SLC39A11: variants seen among roughly 807,000 people sequenced by gnomAD.
SLC39A11 encodes zinc transporter ZIP11.
Under a neutral mutation model 36.1 loss-of-function variants are expected in SLC39A11, and 33 were observed. The observed-to-expected ratio is 0.91, with a 90% CI of 0.69 to 1.22. The LOEUF (loss-of-function observed/expected upper bound fraction) is 1.22. Ranked by LOEUF, SLC39A11 falls within the 50% of genes most tolerant of loss-of-function variation. SLC39A11 has a pLI of 0.00. For missense variants in SLC39A11, 432 were observed against 430.3 expected, an observed-to-expected ratio of 1.00 and a Z score of -0.03; for synonymous variants, 166 against 170.3, an observed-to-expected ratio of 0.97 and a Z score of 0.20.
chr17:72,797,634 A>C (rs1349290389), intron 6 of SLC39A11, among the ~76,000 whole-genome samples: 1 of 152,126 alleles, frequency 6.6e-6, no homozygotes, highest in African/African-American at 2.4e-5. Flanking sequence ...CAGGCACTTG[A>C]CATGCACTAC....
intron 7 of SLC39A11, among the ~76,000 whole-genome samples, chr17:72,673,787 G>A (rs1025122265): frequency 1.3e-5 from 2 of 152,124 alleles, no homozygotes; most frequent in Admixed American, 6.6e-5. Context: ...AAACTTGGCC[G>A]GGCACAGTGG....
chr17:72,674,085 T>A (rs2144208243), intron 7 of SLC39A11, among the ~76,000 whole-genome samples: 1 of 151,942 alleles, frequency 6.6e-6, no homozygotes, highest in South Asian at 2.1e-4. Flanking sequence ...AATAAATAAA[T>A]AAAGGTAGAC....
At chr17:72,967,369 T>TGAGAGAGAGAGAGAGAGA (rs1398782916) in intron 4 of SLC39A11, among the ~76,000 whole-genome samples, 1 of 15,902 alleles carries the variant, frequency 6.3e-5, no homozygotes, top group Non-Finnish European at 2.9e-4. Flanking sequence ...ATAAGCATGC[T>TGAGAGAGAGAGAGAGAGA]CAGAGAGAGA....
At chr17:72,899,940 T>C (rs4969125) in intron 5 of SLC39A11, among the ~76,000 whole-genome samples, 92,928 of 144,124 alleles carry the variant, frequency 0.64, 31,731 homozygotes, top group African/African-American at 0.9. Flanking sequence ...CCAGCCTGGG[T>C]GACACAACAA....
intron 3 of SLC39A11, among the ~76,000 whole-genome samples, chr17:73,063,538 C>T (rs1323625307): frequency 6.6e-6 from 1 of 151,952 alleles, no homozygotes; most frequent in Non-Finnish European, 1.5e-5. Context: ...TCACTTGAAC[C>T]CGGGAGGCAG....
intron 6 of SLC39A11, among the ~76,000 whole-genome samples, chr17:72,805,752 C>CTTTCTT (rs2077229985): frequency 1.4e-5 from 2 of 145,686 alleles, no homozygotes; most frequent in African/African-American, 5.0e-5. Flanking sequence ...TTTTCTTTTT[C>CTTTCTT]TTTTTTTTTT....
chr17:73,065,756 A>G (rs1195505750), intron 3 of SLC39A11, among the ~76,000 whole-genome samples: 1 of 152,228 alleles, frequency 6.6e-6, no homozygotes, highest in Admixed American at 6.5e-5. Context: ...TCTGCCGCTT[A>G]CAAACAGAGA....
intron 7 of SLC39A11, among the ~76,000 whole-genome samples, chr17:72,717,134 T>G (rs2073436080): frequency 6.8e-6 from 1 of 147,030 alleles, no homozygotes; most frequent in African/African-American, 2.5e-5. Flanking sequence ...ATGTATATAC[T>G]TATATGTGTA....
chr17:72,748,639 G>A (rs1016294739), intron 6 of SLC39A11, among the ~76,000 whole-genome samples: 1 of 152,208 alleles, frequency 6.6e-6, no homozygotes, highest in Admixed American at 6.5e-5. Context: ...ACAGGTGAAG[G>A]CATCTGGTTA....
At chr17:72,715,890 T>C (rs565747548) in intron 7 of SLC39A11, among the ~76,000 whole-genome samples, 159 of 152,020 alleles carry the variant, frequency 1.0e-3, no homozygotes, top group African/African-American at 3.3e-3. Context: ...AGAGACGTGG[T>C]TTCACCATGT....
intron 5 of SLC39A11, among the ~76,000 whole-genome samples, chr17:72,932,292 T>TTTTTTATTATTATTATTATTA (rs1555638210): frequency 3.5e-5 from 5 of 144,372 alleles, no homozygotes; most frequent in African/African-American, 1.4e-4. Context: ...GACCTGTTCT[T>TTTTTTATTATTATTATTATTA]TTATTATTAT....
chr17:72,916,218 A>G (rs1336676423), intron 5 of SLC39A11, among the ~76,000 whole-genome samples: 1 of 149,770 alleles, frequency 6.7e-6, no homozygotes, highest in African/African-American at 2.4e-5. Context: ...CACGTTACAC[A>G]TGCACACACA....
chr17:72,804,532 A>G (rs2077192345), intron 6 of SLC39A11, among the ~76,000 whole-genome samples: 1 of 152,234 alleles, frequency 6.6e-6, no homozygotes, highest in Non-Finnish European at 1.5e-5. Context: ...GGAAAGGTTA[A>G]CCATGCAAGA....
In SLC39A11 at chr17:72,900,668, G is replaced by A. The variant is rs75154625; in HGVS notation, c.430+47084C>T. Reference sequence around the variant, plus strand: ...AGGGATTTGTGAGGGGGGCAGGCGCGCCCTCCAGGGCAGAGGAAATAGTGG... The same window carrying A: ...AGGGATTTGTGAGGGGGGCAGGCGCACCCTCCAGGGCAGAGGAAATAGTGG... On this transcript the variant is annotated intron_variant, in intron 5 of 9. Coordinates refer to ENST00000255559, the MANE Select transcript of SLC39A11 (RefSeq NM_139177.4). 5.2e-3 allele frequency among the ~76,000 whole-genome samples: 793 copies of A among 152,070 alleles called. 3 individuals carry two copies. Among genetic ancestry groups the A allele is most frequent in the African/African-American group, 0.018 (765 of 41,442 alleles).
At chr17:72,665,795 TTC>T (rs1326956446) in intron 7 of SLC39A11, among the ~76,000 whole-genome samples, 1 of 152,276 alleles carries the variant, frequency 6.6e-6, no homozygotes, top group South Asian at 2.1e-4. Context: ...TTTTCTTTCT[TTC>T]TCTTTCTTTT....
chr17:72,936,307 G>T (rs1442744313), intron 5 of SLC39A11, among the ~76,000 whole-genome samples: 2 of 149,898 alleles, frequency 1.3e-5, no homozygotes, highest in Admixed American at 6.8e-5. Context: ...ATCCCAATGT[G>T]CAGTGTGGCT....
chr17:72,826,988 C>T (rs2078056074), intron 6 of SLC39A11, among the ~76,000 whole-genome samples: 2 of 152,212 alleles, frequency 1.3e-5, no homozygotes, highest in Admixed American at 6.5e-5. Flanking sequence ...CCCAGCAATT[C>T]CACTACTAAG....
intron 6 of SLC39A11, among the ~76,000 whole-genome samples, chr17:72,786,373 C>T (rs2144981449): frequency 6.6e-6 from 1 of 152,348 alleles, no homozygotes; most frequent in South Asian, 2.1e-4. Flanking sequence ...TTACACTTAT[C>T]TTCCTGTCTT....
chr17:72,773,881 A>G (rs1310892842), intron 6 of SLC39A11, among the ~76,000 whole-genome samples: 1 of 152,120 alleles, frequency 6.6e-6, no homozygotes, highest in Non-Finnish European at 1.5e-5. Context: ...CGAAACACCA[A>G]CCATCTGCAG....
Sources: allele counts gnomAD v4.1 joint callset (sites outside exome capture counted in the v4.1 genomes callset), GRCh38; gene constraint gnomAD v4.1.1; transcripts MANE v1.5; gene names NCBI Gene and HGNC (gene_info 2026-07-23, HGNC 2026-07-21).